Variants in UBQLN1 observed in about 807,000 individuals in gnomAD.
UBQLN1 encodes ubiquilin 1.
Under a neutral mutation model 65.4 loss-of-function variants are expected in UBQLN1, and 13 were observed. That is an observed-to-expected ratio of 0.20 (90% CI 0.13 to 0.32). The LOEUF is 0.32. UBQLN1 is among the 10% of genes least tolerant of loss of function. The pLI, the probability that UBQLN1 is intolerant of heterozygous loss-of-function variation, is 1.00. For missense variants in UBQLN1, 561 were observed against 724.0 expected (o/e 0.77, Z 2.58); for synonymous variants, 267 against 247.8 (o/e 1.08, Z -0.73).
intron 6 of UBQLN1, among the ~76,000 whole-genome samples, chr9:83,675,790 A>G (rs973713583): frequency 1.3e-5 from 2 of 152,212 alleles, no homozygotes; most frequent in South Asian, 2.1e-4. Context: ...GTCTCACTAC[A>G]TATCAGTATT....
chr9:83,682,697 G>A (rs1831963188), intron 3 of UBQLN1, among the ~76,000 whole-genome samples: 1 of 152,068 alleles, frequency 6.6e-6, no homozygotes. Flanking sequence ...ACTAAATTAT[G>A]TGGTAGTCAG....
chr9:83,670,544 TAAA>T (rs1038497890), intron 6 of UBQLN1, among the ~76,000 whole-genome samples: 1 of 151,470 alleles, frequency 6.6e-6, no homozygotes, highest in Non-Finnish European at 1.5e-5. Flanking sequence ...GCCTTCGGTC[TAAA>T]AAAAAACTCT....
At chr9:83,707,453 G>A (rs1832431178) in intron 1 of UBQLN1, 47 bp downstream of exon 1, 3 of 1,552,760 alleles carry the variant, frequency 1.9e-6, no homozygotes, top group African/African-American at 1.4e-5. Flanking sequence ...GGCGGGCGGA[G>A]GTCCTGCCGC....
chr9:83,691,503 G>C (rs1832128891), intron 1 of UBQLN1, among the ~76,000 whole-genome samples: 1 of 152,190 alleles, frequency 6.6e-6, no homozygotes, highest in South Asian at 2.1e-4. Flanking sequence ...GTACCTGAAG[G>C]ATAATCAGGG....
At chr9:83,678,810 G>A (rs1014439233) in intron 4 of UBQLN1, among the ~76,000 whole-genome samples, 6 of 151,952 alleles carry the variant, frequency 3.9e-5, no homozygotes, top group East Asian at 1.9e-4. Context: ...TCCGCCTCCC[G>A]GGTTCACACC....
At chr9:83,697,960 T>C (rs558116526) in intron 1 of UBQLN1, among the ~76,000 whole-genome samples, 1 of 152,098 alleles carries the variant, frequency 6.6e-6, no homozygotes, top group Admixed American at 6.5e-5. Context: ...GGTCTCAAAC[T>C]CCTGACCTCA....
At position 83,707,493 on chromosome 9, in the gene UBQLN1, G is replaced by T; in HGVS notation, c.180+7C>A. 9 of 1,603,894 alleles carry T rather than the reference G, an allele frequency of 5.6e-6. No individual in the cohort carries two copies. The highest frequency in any genetic ancestry group is 7.7e-6 in the Non-Finnish European group (9 of 1,176,034). The stretch of plus-strand genomic sequence containing the variant: ...CCCATCCCGGCCCGAGCCCCAGGCG[G>T]CCTCACCTGCTGGACGGAGCTATTC... On this transcript the variant is annotated splice_region_variant and intron_variant, in intron 1 of 10. Transcript: ENST00000376395.
At position 83,707,925 on chromosome 9, in the gene UBQLN1, C is replaced by A; in HGVS notation, c.-246G>T. The A allele has an allele frequency of 5.8e-6, 3 of 519,608 alleles. No homozygotes were observed. The highest frequency in any genetic ancestry group is 6.2e-5 in the South Asian group (2 of 32,274). The allele number at this position is 519,608 out of a possible 1,614,324, so 32.2% of individuals were successfully genotyped here. A position where few individuals can be genotyped will look rare whatever the true frequency, so the allele number is the denominator to read the frequency against. On this transcript the variant is annotated 5_prime_UTR_variant, in exon 1 of 11. Coordinates refer to ENST00000376395, the MANE Select transcript of UBQLN1 (RefSeq NM_013438.5). ...GTGTTCAGGCGCCGCTCGCTCACACCGACATCCGCAGCAGCCACCGCTTCC... is the reference window on the plus strand; with the variant it reads ...GTGTTCAGGCGCCGCTCGCTCACACAGACATCCGCAGCAGCCACCGCTTCC...
At chr9:83,690,160 C>T (rs1296377677) in intron 1 of UBQLN1, among the ~76,000 whole-genome samples, 1 of 152,104 alleles carries the variant, frequency 6.6e-6, no homozygotes, top group Non-Finnish European at 1.5e-5. Flanking sequence ...ACATTTGAAC[C>T]AATATTACTT....
At chr9:83,665,984 A>C (rs1237018004) in intron 8 of UBQLN1, among the ~76,000 whole-genome samples, 1 of 152,246 alleles carries the variant, frequency 6.6e-6, no homozygotes, top group Non-Finnish European at 1.5e-5. Context: ...AGAATAGGGT[A>C]GCTCTTTCCT....
Position 83,707,775 on chromosome 9 carries a change from A to G in UBQLN1, c.-96T>C, listed in dbSNP as rs1832443276. 9 of 1,440,372 alleles carry G rather than the reference A, an allele frequency of 6.2e-6. No individual in the cohort carries two copies. The highest frequency in any genetic ancestry group is 8.2e-6 in the Non-Finnish European group (9 of 1,103,434). 89.2% of individuals were successfully genotyped at this position (1,440,372 alleles called of 1,614,324 possible). ...GACACCAGAGCCGGCAGGCCTGGAC[A>G]GCGAAGAATGCAGAGCACGCCGCCT... is the stretch of plus-strand genomic sequence containing the variant. On this transcript the variant is annotated 5_prime_UTR_variant, in exon 1 of 11. Transcript: ENST00000376395.
intron 1 of UBQLN1, among the ~76,000 whole-genome samples, chr9:83,691,711 G>A (rs80105634): frequency 0.041 from 6,195 of 152,280 alleles, 378 homozygotes; most frequent in African/African-American, 0.14. Context: ...AGACACGTGA[G>A]AAATCACGTT....
At chr9:83,678,023 CTTTTT>C in intron 5 of UBQLN1, 62 bp from the exon 6 acceptor site, 6 of 931,432 alleles carry the variant, frequency 6.4e-6, no homozygotes, top group South Asian at 3.9e-5. Context: ...AGATATGAAA[CTTTTT>C]TTTTTTTTTT....
At chr9:83,703,186 G>A (rs545881578) in intron 1 of UBQLN1, among the ~76,000 whole-genome samples, 1 of 151,442 alleles carries the variant, frequency 6.6e-6, no homozygotes, top group East Asian at 1.9e-4. Context: ...CTCATACACA[G>A]GGACTTTGTG....
At chr9:83,661,964 C>A (rs1380417506) in intron 10 of UBQLN1, 25 bp from the exon 11 acceptor site, 2 of 1,598,540 alleles carry the variant, frequency 1.3e-6, no homozygotes, top group Non-Finnish European at 8.5e-7. Context: ...AAAAATTAAT[C>A]CAACTCTAAA....
At chr9:83,679,017 G>A (rs567056663) in intron 4 of UBQLN1, among the ~76,000 whole-genome samples, 21 of 152,024 alleles carry the variant, frequency 1.4e-4, no homozygotes, top group Admixed American at 3.9e-4. Flanking sequence ...CACCGCGCCC[G>A]GCCAGGAGGC....
At chr9:83,692,281 A>G (rs1410993653) in intron 1 of UBQLN1, among the ~76,000 whole-genome samples, 3 of 152,220 alleles carry the variant, frequency 2.0e-5, no homozygotes, top group African/African-American at 7.2e-5. Flanking sequence ...CGTACTTCAA[A>G]TATCTTTTAC....
chr9:83,696,625 C>A (rs1370652543), intron 1 of UBQLN1, among the ~76,000 whole-genome samples: 1 of 137,572 alleles, frequency 7.3e-6, no homozygotes, highest in Non-Finnish European at 1.5e-5. Flanking sequence ...GGTGATAGAA[C>A]AAGATTCTGT....
intron 1 of UBQLN1, among the ~76,000 whole-genome samples, chr9:83,701,107 C>T (rs1399683745): frequency 2.6e-5 from 4 of 152,182 alleles, no homozygotes; most frequent in Non-Finnish European, 4.4e-5. Context: ...CACCATTTTA[C>T]AACTTCAGAA....
Sources: allele counts gnomAD v4.1 joint callset (sites outside exome capture counted in the v4.1 genomes callset), GRCh38; gene constraint gnomAD v4.1.1; transcripts MANE v1.5; gene names NCBI Gene and HGNC (gene_info 2026-07-23, HGNC 2026-07-21).